Variants in DYSF observed in about 807,000 individuals in gnomAD.
DYSF encodes the protein dysferlin, also known as dystrophy-associated fer-1-like 1.
DYSF carries 212 observed loss-of-function variants against 274.9 expected under a neutral mutation model. The ratio of observed to expected loss-of-function variants is 0.77; its 90% CI spans 0.69 to 0.86. The LOEUF (loss-of-function observed/expected upper bound fraction) is 0.86. Ranked by LOEUF, DYSF falls within the 40% of genes least tolerant of loss-of-function variation. The pLI is 0.00. For missense variants in DYSF, 2,666 were observed against 2,783.2 expected, an observed-to-expected ratio of 0.96 and a Z score of 0.95; for synonymous variants, 1,091 against 1,078.7, an observed-to-expected ratio of 1.01 and a Z score of -0.22.
chr2:71,504,636 G>C (rs1272040334), intron 4 of DYSF, among the ~76,000 whole-genome samples: 1 of 152,190 alleles, frequency 6.6e-6, no homozygotes, highest in African/African-American at 2.4e-5. Flanking sequence ...AAGGCAGCTG[G>C]CGAGAGAAAG....
Position 71,493,500 on chromosome 2 carries a change from G to A in DYSF, c.240-9714G>A, listed in dbSNP as rs546206801. ...AGATATTTGTGAGGGAATAGAGCCAGCCGTGGGAATATGCATGCCATAGTA... is the reference window on the plus strand; with the variant it reads ...AGATATTTGTGAGGGAATAGAGCCAACCGTGGGAATATGCATGCCATAGTA... On this transcript the variant is annotated intron_variant, in intron 3 of 55. Coordinates refer to ENST00000410020, the MANE Select transcript of DYSF (RefSeq NM_001130987.2). Among the ~76,000 whole-genome samples, 159 of 152,322 alleles carry A rather than the reference G, an allele frequency of 1.0e-3. No homozygotes were observed. In the South Asian group the frequency reaches 0.017, roughly 16 times the overall value.
chr2:71,580,344 G>T (rs1379409521), intron 30 of DYSF, among the ~76,000 whole-genome samples: 2 of 152,274 alleles, frequency 1.3e-5, no homozygotes, highest in Non-Finnish European at 2.9e-5. Flanking sequence ...TCAAGCCTGG[G>T]CCGGCGAGGC....
At position 71,520,868 on chromosome 2, in the gene DYSF, A is replaced by T; in HGVS notation, c.1113A>T (p.Thr371=). 6.2e-7 allele frequency: 1 copy of T among 1,614,092 alleles called. No homozygotes were observed. The highest frequency in any genetic ancestry group is 8.5e-7 in the Non-Finnish European group (1 of 1,179,998). Reference sequence around the variant, plus strand: ...CTGGGGCCAGAGGCTACCTGAAAACAAGCCTTTGTGTGCTGGGGCCTGGGG... The same window carrying T: ...CTGGGGCCAGAGGCTACCTGAAAACTAGCCTTTGTGTGCTGGGGCCTGGGG... ...FSAGARGYLK[T]SLCVLGPGDE... is the part of the protein sequence containing the mutation. Residue 371 remains threonine, a synonymous_variant, in exon 12 of 56, where the codon ACA becomes ACT. Coordinates refer to ENST00000410020, the MANE Select transcript of DYSF (RefSeq NM_001130987.2).
intron 3 of DYSF, among the ~76,000 whole-genome samples, chr2:71,485,495 G>T (rs932316311): frequency 1.6e-4 from 24 of 152,224 alleles, no homozygotes; most frequent in African/African-American, 5.8e-4. Flanking sequence ...AGCAGAGGTT[G>T]CAGTGAGCCA....
At chr2:71,484,997 C>A (rs551757939) in intron 3 of DYSF, among the ~76,000 whole-genome samples, 4 of 152,298 alleles carry the variant, frequency 2.6e-5, no homozygotes, top group Non-Finnish European at 5.9e-5. Context: ...CAGTTCACTG[C>A]AGGGCTGTGT....
chr2:71,548,047 A>G (rs974756159), intron 17 of DYSF, among the ~76,000 whole-genome samples: 1 of 151,488 alleles, frequency 6.6e-6, no homozygotes, highest in Non-Finnish European at 1.5e-5. Context: ...GTTGCAGAAA[A>G]CTCCCCATGA....
chr2:71,604,640 A>G (rs1182539967), intron 36 of DYSF, among the ~76,000 whole-genome samples: 1 of 152,142 alleles, frequency 6.6e-6, no homozygotes, highest in East Asian at 1.9e-4. Flanking sequence ...TGGACTGGAG[A>G]CAGGCCAGTA....
Position 71,669,593 on chromosome 2 carries a change from A to T in DYSF, c.5643-12A>T, listed in dbSNP as rs375507062. 5 of 1,614,076 alleles carry T rather than the reference A, an allele frequency of 3.1e-6. No individual in the cohort carries two copies. The highest frequency in any genetic ancestry group is 4.2e-6 in the Non-Finnish European group (5 of 1,180,030). On this transcript the variant is annotated splice_polypyrimidine_tract_variant and intron_variant, in intron 50 of 55. Coordinates refer to ENST00000410020, the MANE Select transcript of DYSF (RefSeq NM_001130987.2). ...TTAATGAGAACTATTCTCTAAAAAC[A>T]TGTATGTCTAGTTGGATGATTGGCT...
chr2:71,611,048 T>G, intron 36 of DYSF, 197 bp from the exon 37 acceptor site: 1 of 630,228 alleles, frequency 1.6e-6, no homozygotes, highest in Non-Finnish European at 2.9e-6. Context: ...GGAATTGTGA[T>G]CCTGGAGAAG....
chr2:71,471,925 C>T (rs1392457015), intron 1 of DYSF, among the ~76,000 whole-genome samples: 1 of 152,126 alleles, frequency 6.6e-6, no homozygotes, highest in Non-Finnish European at 1.5e-5. Context: ...GAGATCTCAC[C>T]ACTGCTCTCC....
At chr2:71,480,988 C>T (rs553451039) in intron 2 of DYSF, 50 bp downstream of exon 2, 2 of 1,577,020 alleles carry the variant, frequency 1.3e-6, no homozygotes, top group Non-Finnish European at 1.7e-6. Flanking sequence ...GCAGTTGTGT[C>T]TGCAGGGACA....
chr2:71,526,388 T>TG (rs769379273), intron 13 of DYSF, 42 bp downstream of exon 13: 2 of 967,602 alleles, frequency 2.1e-6, no homozygotes, highest in Non-Finnish European at 2.6e-6. Context: ...TGCAGGAGGC[T>TG]GGAGGCGCAG....
At chr2:71,657,699 C>G (rs913162934) in intron 43 of DYSF, among the ~76,000 whole-genome samples, 2 of 152,162 alleles carry the variant, frequency 1.3e-5, no homozygotes, top group African/African-American at 4.8e-5. Flanking sequence ...GGGATTCCAC[C>G]CTGTGAAGCC....
At position 71,680,920 on chromosome 2, in the gene DYSF, A is replaced by G. The variant is rs753371067; in HGVS notation, c.6064-81A>G. Reference sequence around the variant, plus strand: ...TTTTTTAAATAATGAAGTGGCCCTTATGTTTTTTCTGGCCTGGTTACTCTC... The same window carrying G: ...TTTTTTAAATAATGAAGTGGCCCTTGTGTTTTTTCTGGCCTGGTTACTCTC... On this transcript the variant is annotated intron_variant, in intron 53 of 55. Coordinates refer to ENST00000410020, the MANE Select transcript of DYSF (RefSeq NM_001130987.2). 1.2e-5 allele frequency: 14 copies of G among 1,147,386 alleles called. No individual in the cohort carries two copies. In the African/African-American group the frequency reaches 2.0e-4, roughly 16 times the overall value. The allele number at this position is 1,147,386 out of a possible 1,614,324, so 71.1% of individuals were successfully genotyped here. A position where few individuals can be genotyped will look rare whatever the true frequency, so the allele number is the denominator to read the frequency against.
intron 30 of DYSF, among the ~76,000 whole-genome samples, chr2:71,581,879 A>G (rs2092909362): frequency 6.6e-6 from 1 of 152,126 alleles, no homozygotes; most frequent in Non-Finnish European, 1.5e-5. Context: ...CCGGTGGCTC[A>G]CACCTGTAAT....
chr2:71,612,946 A>G, intron 39 of DYSF, 140 bp downstream of exon 39: 6 of 1,157,600 alleles, frequency 5.2e-6, no homozygotes, highest in Non-Finnish European at 7.2e-6. Flanking sequence ...GCTAGACCAC[A>G]GGGTGGAGAC....
chr2:71,668,094 G>C (rs901702183), intron 48 of DYSF, among the ~76,000 whole-genome samples: 1 of 152,030 alleles, frequency 6.6e-6, no homozygotes, highest in Admixed American at 6.5e-5. Flanking sequence ...AGAGGAGAAG[G>C]GGAGACAAGG....
At chr2:71,505,640 C>T (rs1394189525) in intron 4 of DYSF, among the ~76,000 whole-genome samples, 1 of 152,204 alleles carries the variant, frequency 6.6e-6, no homozygotes, top group Non-Finnish European at 1.5e-5. Flanking sequence ...CCAAATCTAC[C>T]CTCTGACAGC....
chr2:71,511,763 G>A lies in DYSF; in HGVS notation c.346-44G>A, dbSNP rs753973741. 6.6e-6 allele frequency: 8 copies of A among 1,215,272 alleles called. No homozygotes were observed. In the African/African-American group the frequency reaches 9.0e-5, roughly 14 times the overall value. 75.3% of individuals were successfully genotyped at this position (1,215,272 alleles called of 1,614,324 possible). ...GGAAGATACTGGAGGGCAGTGGTCC[G>A]AGGCCAGCGCACCAACCTGTCCCCC... On this transcript the variant is annotated intron_variant, in intron 4 of 55. Transcript: ENST00000410020.
Sources: allele counts gnomAD v4.1 joint callset (sites outside exome capture counted in the v4.1 genomes callset), GRCh38; gene constraint gnomAD v4.1.1; transcripts MANE v1.5; gene names NCBI Gene and HGNC (gene_info 2026-07-23, HGNC 2026-07-21).